The following RARS1 variants were observed in gnomAD, a reference collection of about 807,000 sequenced individuals.
RARS1 encodes the protein arginyl-tRNA synthetase 1.
RARS1 carries 75 observed loss-of-function variants against 78.7 expected under a neutral mutation model. That is an observed-to-expected ratio of 0.95 (90% CI 0.79 to 1.15). The LOEUF (loss-of-function observed/expected upper bound fraction) is 1.15, where lower values mean the gene tolerates loss of function less well. Ranked by LOEUF, RARS1 falls within the 50% of genes most tolerant of loss-of-function variation. The probability of loss-of-function intolerance (pLI) is 0.00; values close to 1 mark genes in which losing one functional copy is unlikely to be tolerated. For missense variants in RARS1, 787 were observed against 787.5 expected, an observed-to-expected ratio of 1.00 and a Z score of 0.01; for synonymous variants, 273 against 268.2, an observed-to-expected ratio of 1.02 and a Z score of -0.18.
intron 1 of RARS1, 102 bp downstream of exon 1, chr5:168,486,645 C>G: frequency 3.2e-6 from 4 of 1,253,950 alleles, no homozygotes; most frequent in Non-Finnish European, 4.5e-6. Flanking sequence ...CGAGGACCAT[C>G]CTGGTCCTCT....
intron 2 of RARS1, among the ~76,000 whole-genome samples, chr5:168,491,172 A>G (rs894141458): frequency 3.3e-5 from 5 of 152,088 alleles, no homozygotes; most frequent in African/African-American, 1.2e-4. Flanking sequence ...CAAAAAATTG[A>G]CATTTATTAT....
chr5:168,517,679 A>T (rs1321190709), intron 13 of RARS1, 136 bp from the exon 14 acceptor site: 4 of 1,236,670 alleles, frequency 3.2e-6, no homozygotes, highest in Non-Finnish European at 4.3e-6. Context: ...GTTTTGCCTA[A>T]TAGTATATCG....
rs73316519 is a variant in RARS1, at chr5:168,507,592, T to C, written c.1346+761T>C. ...TAGCTCAAGATGTTTGGCCAGCCAA[T>C]GCGCAGAAGCCCTAATTGAACATGT... On this transcript the variant is annotated intron_variant, in intron 11 of 14. Coordinates refer to ENST00000231572, the MANE Select transcript of RARS1 (RefSeq NM_002887.4). Among the ~76,000 whole-genome samples the C allele has an allele frequency of 8.8e-3, 1,337 of 152,336 alleles. 12 individuals are homozygous for C. Among genetic ancestry groups the C allele is most frequent in the African/African-American group, 0.029 (1,196 of 41,556 alleles).
chr5:168,493,642 A>AG (rs1554121557), intron 3 of RARS1, among the ~76,000 whole-genome samples: 1 of 151,736 alleles, frequency 6.6e-6, no homozygotes, highest in Non-Finnish European at 1.5e-5. Flanking sequence ...TCAAAAAAAA[A>AG]AAAAAAAAAA....
chr5:168,518,094 T>G (rs1758713133), intron 14 of RARS1, 32 bp downstream of exon 14: 3 of 1,397,510 alleles, frequency 2.1e-6, no homozygotes, highest in South Asian at 1.4e-5. Context: ...TTTTTTTTTT[T>G]TAGTGAGAGA....
intron 11 of RARS1, among the ~76,000 whole-genome samples, chr5:168,510,290 A>G (rs1371473784): frequency 6.6e-6 from 1 of 152,210 alleles, no homozygotes; most frequent in Non-Finnish European, 1.5e-5. Context: ...AAATATGTAG[A>G]GAGTGCTTTT....
At chr5:168,501,320 AGGTAAGT>A (rs1344671661) in intron 8 of RARS1, among the ~76,000 whole-genome samples, 2 of 152,224 alleles carry the variant, frequency 1.3e-5, no homozygotes, top group East Asian at 3.8e-4. Flanking sequence ...CTACATAGAC[AGGTAAGT>A]GGTTTAAATC....
intron 6 of RARS1, among the ~76,000 whole-genome samples, chr5:168,496,049 T>C (rs1758178258): frequency 6.6e-6 from 1 of 152,066 alleles, no homozygotes; most frequent in Non-Finnish European, 1.5e-5. Flanking sequence ...CTCTGGTTAC[T>C]TACTGTGAAG....
rs537402142 is a variant in RARS1, at chr5:168,488,232, A to G, written c.46-370A>G. ...AACCTCAGCCTCTGGGATTCAGGCA[A>G]TTCTCCTGCCTCAGCCTCCCAAGTA... On this transcript the variant is annotated intron_variant, in intron 1 of 14. Transcript: ENST00000231572. 62 of 372,848 alleles carry G rather than the reference A, an allele frequency of 1.7e-4. No individual in the cohort carries two copies. The East Asian group carries it at 5.2e-3, about 31-fold the overall frequency. The allele number at this position is 372,848 out of a possible 1,614,324, so 23.1% of individuals were successfully genotyped here.
chr5:168,509,725 T>C (rs1758530224), intron 11 of RARS1, among the ~76,000 whole-genome samples: 2 of 151,492 alleles, frequency 1.3e-5, no homozygotes, highest in African/African-American at 2.4e-5. Context: ...ATTCCAACAC[T>C]TTGGGAGGCT....
chr5:168,495,441 G>A lies in RARS1; in HGVS notation c.701+5G>A, dbSNP rs1435852240. 15 of 1,611,888 alleles carry A rather than the reference G, an allele frequency of 9.3e-6. No homozygotes were observed. Among genetic ancestry groups the A allele is most frequent in the Non-Finnish European group, 9.3e-6 (11 of 1,178,680 alleles). ...TGCAGGGTATGACGTGCTCAGGTAT[G>A]TGCTCTTGCCTTGCGTACTATTCTC... On this transcript the variant is annotated splice_donor_5th_base_variant and intron_variant, in intron 6 of 14. Coordinates refer to ENST00000231572, the MANE Select transcript of RARS1 (RefSeq NM_002887.4).
intron 6 of RARS1, 113 bp downstream of exon 6, chr5:168,495,549 C>A (rs1758169232): frequency 7.0e-7 from 1 of 1,437,428 alleles, no homozygotes; most frequent in African/African-American, 1.4e-5. Context: ...ATCAGTGGTT[C>A]ATCAGCTTAG....
At chr5:168,496,591 T>G (rs1290429670) in intron 6 of RARS1, among the ~76,000 whole-genome samples, 1 of 151,674 alleles carries the variant, frequency 6.6e-6, no homozygotes, top group African/African-American at 2.4e-5. Context: ...CACGCCATTC[T>G]CCTGCCTCAT....
At chr5:168,502,209 T>G in intron 9 of RARS1, 104 bp downstream of exon 9, 1 of 1,459,432 alleles carries the variant, frequency 6.9e-7, no homozygotes, top group Non-Finnish European at 9.0e-7. Flanking sequence ...TCATCCAATT[T>G]CAACAGTTAT....
At position 168,506,189 on chromosome 5, in the gene RARS1, A is replaced by G; in HGVS notation, c.1226A>G (p.Asp409Gly). ...GCAGATATGATTATCTATGTTGTGGACAATGGACAAGTGAGTTTGTAAATT... is the reference window on the plus strand; with the variant it reads ...GCAGATATGATTATCTATGTTGTGGGCAATGGACAAGTGAGTTTGTAAATT... ...EKADMIIYVV[D>G]NGQSVHFQTI... The change falls in exon 10 of 15, where the codon GAC becomes GGC. Residue 409 changes from aspartate to glycine, a missense_variant. Transcript: ENST00000231572. 1 of 1,569,026 alleles carries G rather than the reference A, an allele frequency of 6.4e-7. No individual in the cohort carries two copies. The highest frequency in any genetic ancestry group is 8.7e-7 in the Non-Finnish European group (1 of 1,155,810).
chr5:168,513,785 C>T (rs1408171383), intron 12 of RARS1, among the ~76,000 whole-genome samples: 1 of 151,902 alleles, frequency 6.6e-6, no homozygotes, highest in African/African-American at 2.4e-5. Context: ...TTTTTGATTC[C>T]ACCTGGGATT....
intron 9 of RARS1, among the ~76,000 whole-genome samples, chr5:168,505,460 C>T (rs1758419645): frequency 6.6e-6 from 1 of 152,166 alleles, no homozygotes. Flanking sequence ...TACTTTTCAG[C>T]ACGCTGTTAG....
chr5:168,510,753 A>G, intron 12 of RARS1, 67 bp downstream of exon 12: 6 of 1,206,660 alleles, frequency 5.0e-6, no homozygotes, highest in Non-Finnish European at 7.0e-6. Flanking sequence ...GTTTTTATTG[A>G]GAGAACTGAG....
intron 11 of RARS1, among the ~76,000 whole-genome samples, chr5:168,507,908 A>G (rs1758481903): frequency 6.6e-6 from 1 of 151,806 alleles, no homozygotes; most frequent in African/African-American, 2.4e-5. Context: ...AGCCAGGCAT[A>G]GTGGCATGCA....
Sources: gnomAD v4.1 joint callset for allele counts (sites outside exome capture counted in the v4.1 genomes callset) on GRCh38, gnomAD v4.1.1 for gene constraint, MANE v1.5 for transcripts, NCBI Gene and HGNC (gene_info 2026-07-23, HGNC 2026-07-21) for gene names.